The following SLC35F1 variants were observed in gnomAD, a reference collection of about 807,000 sequenced individuals.
SLC35F1 encodes the protein chromosome 6 open reading frame 169.
SLC35F1 carries 14 observed loss-of-function variants against 48.7 expected under a neutral mutation model. The observed-to-expected ratio is 0.29, with a 90% CI of 0.19 to 0.45. The LOEUF is 0.45. SLC35F1 is among the 20% of genes least tolerant of loss of function. SLC35F1 has a pLI of 1.00. For synonymous variants in SLC35F1, 190 were observed against 202.2 expected (o/e 0.94, Z 0.51); for missense variants, 404 against 500.0 (o/e 0.81, Z 1.83).
At chr6:118,223,107 G>T (rs989364275) in intron 2 of SLC35F1, among the ~76,000 whole-genome samples, 2 of 152,080 alleles carry the variant, frequency 1.3e-5, no homozygotes, top group African/African-American at 4.8e-5. Flanking sequence ...ATAAAATGCT[G>T]CTTTTCTACT....
At chr6:118,012,060 G>C (rs1582618194) in intron 1 of SLC35F1, among the ~76,000 whole-genome samples, 1 of 151,926 alleles carries the variant, frequency 6.6e-6, no homozygotes, top group East Asian at 1.9e-4. Context: ...GGCATGCATA[G>C]ATCTTTAAGC....
At chr6:118,048,089 G>A (rs1349162231) in intron 1 of SLC35F1, among the ~76,000 whole-genome samples, 2 of 152,166 alleles carry the variant, frequency 1.3e-5, no homozygotes, top group Non-Finnish European at 2.9e-5. Context: ...TTTTTAGCAT[G>A]AAGCGTTGTT....
chr6:118,020,421 A>G (rs1562266164), intron 1 of SLC35F1, among the ~76,000 whole-genome samples: 1 of 152,198 alleles, frequency 6.6e-6, no homozygotes, highest in Non-Finnish European at 1.5e-5. Context: ...CCAGTTTGAA[A>G]GTTGGAGTCT....
At chr6:118,025,998 C>T (rs1451393472) in intron 1 of SLC35F1, among the ~76,000 whole-genome samples, 1 of 152,100 alleles carries the variant, frequency 6.6e-6, no homozygotes, top group African/African-American at 2.4e-5. Flanking sequence ...GTACCTATTA[C>T]TTCAAGGCAC....
intron 2 of SLC35F1, among the ~76,000 whole-genome samples, chr6:118,197,329 C>A (rs1774815650): frequency 6.6e-6 from 1 of 151,782 alleles, no homozygotes; most frequent in Admixed American, 6.6e-5. Context: ...TATCTGGAAA[C>A]TAGATGATCT....
intron 1 of SLC35F1, among the ~76,000 whole-genome samples, chr6:118,070,121 C>T (rs1335247811): frequency 8.7e-6 from 1 of 114,802 alleles, no homozygotes; most frequent in African/African-American, 3.5e-5. Context: ...CCGGCCTGGG[C>T]GACAGAGCGA....
chr6:118,214,965 AC>A (rs1489014316), intron 2 of SLC35F1, among the ~76,000 whole-genome samples: 1 of 152,158 alleles, frequency 6.6e-6, no homozygotes, highest in Non-Finnish European at 1.5e-5. Context: ...CTGATAATTG[AC>A]AGGCACTGCC....
chr6:118,154,685 C>T lies in SLC35F1; in HGVS notation c.349+65C>T, dbSNP rs1435124328. The T allele has an allele frequency of 1.1e-5, 16 of 1,450,922 alleles. No individual in the cohort carries two copies. In the Admixed American group the frequency reaches 3.5e-4, roughly 32 times the overall value. The allele number at this position is 1,450,922 out of a possible 1,614,324, so 89.9% of individuals were successfully genotyped here. ...CACCTAAAAAAAAGATGAGCCATGA[C>T]CAGATAACGTTTTGTCACTTAAGCA... is the stretch of plus-strand genomic sequence containing the variant. On this transcript the variant is annotated intron_variant, in intron 2 of 7. Transcript: ENST00000360388.
At chr6:117,925,249 A>G (rs537604196) in intron 1 of SLC35F1, among the ~76,000 whole-genome samples, 5 of 152,186 alleles carry the variant, frequency 3.3e-5, no homozygotes, top group Admixed American at 2.6e-4. Context: ...GGGGTGGGCA[A>G]AGGTCCTGGG....
chr6:118,088,303 A>G (rs971001755), intron 1 of SLC35F1, among the ~76,000 whole-genome samples: 1 of 152,186 alleles, frequency 6.6e-6, no homozygotes, highest in Non-Finnish European at 1.5e-5. Context: ...AAGAGAGGCT[A>G]CAATTTGTAA....
intron 1 of SLC35F1, among the ~76,000 whole-genome samples, chr6:118,111,469 C>G (rs920163040): frequency 2.0e-5 from 3 of 152,102 alleles, no homozygotes; most frequent in African/African-American, 7.2e-5. Context: ...GAGAAAAACT[C>G]CACCAACCTA....
intron 1 of SLC35F1, among the ~76,000 whole-genome samples, chr6:117,922,523 T>G (rs1775912947): frequency 6.6e-6 from 1 of 152,210 alleles, no homozygotes; most frequent in Non-Finnish European, 1.5e-5. Flanking sequence ...TTGTATGTAT[T>G]CATGGAGTAC....
At chr6:118,246,750 A>G (rs1161785694) in intron 3 of SLC35F1, among the ~76,000 whole-genome samples, 1 of 152,176 alleles carries the variant, frequency 6.6e-6, no homozygotes, top group African/African-American at 2.4e-5. Context: ...TGATCATGGT[A>G]TGCAAATGTA....
intron 2 of SLC35F1, among the ~76,000 whole-genome samples, chr6:118,199,734 A>G (rs575334289): frequency 6.6e-6 from 1 of 152,290 alleles, no homozygotes; most frequent in South Asian, 2.1e-4. Context: ...CACTATTAGT[A>G]TTTCTATGGA....
rs181556129 is a variant in SLC35F1 at position 118,013,401 on chromosome 6, A to G, written c.173+105502A>G. Among the ~76,000 whole-genome samples, 57 of 152,278 alleles carry G rather than the reference A, an allele frequency of 3.7e-4. 1 individual carries two copies. The East Asian group carries it at 0.011, about 29-fold the overall frequency. On this transcript the variant is annotated intron_variant, in intron 1 of 7. Transcript: ENST00000360388. ...GATGTCATAATTTCTATTTAGTCTG[A>G]ATTTCCCCCAGAGGAAACATATTTC...
At chr6:118,278,096 C>T (rs540230950) in intron 6 of SLC35F1, among the ~76,000 whole-genome samples, 1 of 152,210 alleles carries the variant, frequency 6.6e-6, no homozygotes. Flanking sequence ...AGTTAATAGT[C>T]ATCCAGGACT....
chr6:118,223,676 G>A lies in SLC35F1; in HGVS notation c.350-11833G>A, dbSNP rs182252880. Among the ~76,000 whole-genome samples the A allele has an allele frequency of 1.4e-4, 21 of 152,302 alleles. No individual in the cohort carries two copies. In the East Asian group the frequency reaches 1.7e-3, roughly 13 times the overall value. ...TGGGATGGGAGATGGGAGAGCAGAC[G>A]GGGAGAAGAGGCCAGCCAGCTTTCT... is the stretch of plus-strand genomic sequence containing the variant. On this transcript the variant is annotated intron_variant, in intron 2 of 7. Transcript: ENST00000360388.
chr6:118,189,327 C>T (rs971117330), intron 2 of SLC35F1, among the ~76,000 whole-genome samples: 1 of 152,094 alleles, frequency 6.6e-6, no homozygotes, highest in Non-Finnish European at 1.5e-5. Flanking sequence ...AGTAATATCA[C>T]ACTGTAGTTT....
chr6:118,073,531 T>C (rs1398370544), intron 1 of SLC35F1, among the ~76,000 whole-genome samples: 1 of 152,218 alleles, frequency 6.6e-6, no homozygotes, highest in Non-Finnish European at 1.5e-5. Flanking sequence ...AGCCATATCC[T>C]TACCTTGGCA....
Sources: allele counts gnomAD v4.1 joint callset (sites outside exome capture counted in the v4.1 genomes callset), GRCh38; gene constraint gnomAD v4.1.1; transcripts MANE v1.5; gene names NCBI Gene and HGNC (gene_info 2026-07-23, HGNC 2026-07-21).